Variants in COL24A1 observed in about 807,000 individuals in gnomAD.
COL24A1 encodes the protein collagen alpha-1(XXIV) chain.
In COL24A1, 224 loss-of-function variants were observed where a neutral mutation model predicts 253.9. The observed-to-expected ratio is 0.88, with a 90% CI of 0.79 to 0.99. The LOEUF is 0.99. Among genes scored for constraint, COL24A1 ranks in the 50% least tolerant of loss-of-function variants. COL24A1 has a pLI of 0.00. For missense variants in COL24A1, 2,131 were observed against 2,068.5 expected (o/e 1.03, Z -0.59); for synonymous variants, 685 against 673.7 (o/e 1.02, Z -0.26).
intron 14 of COL24A1, among the ~76,000 whole-genome samples, chr1:86,024,649 C>A (rs1338306648): frequency 1.3e-5 from 2 of 152,144 alleles, no homozygotes; most frequent in South Asian, 2.1e-4. Context: ...AATATTAATA[C>A]ATGATGCTTG....
chr1:86,118,253 C>T (rs919359184), intron 3 of COL24A1, among the ~76,000 whole-genome samples: 4 of 152,030 alleles, frequency 2.6e-5, no homozygotes, highest in South Asian at 2.1e-4. Context: ...TTAGTAGAGA[C>T]GGGGTTTCAC....
rs751877646 is a variant in COL24A1 at position 85,838,590 on chromosome 1, A to G, written c.3676T>C (p.Tyr1226His). ...GERGEPGAEG[Y>H]KGHVGVPGLR... ...GGGGTATAACTTGCAATTACCTTAT[A>G]TCCCTCTGCTCCAGGCTCTCCTCTC... Residue 1226 changes from tyrosine (Y) to histidine (H), a missense_variant, in exon 43 of 60, where the codon TAT becomes CAT. By Grantham distance (83) the Tyr-to-His change is moderately conservative. Transcript: ENST00000370571. 12 of 1,613,686 alleles carry G rather than the reference A, an allele frequency of 7.4e-6. No homozygotes were observed. In the Admixed American group the frequency reaches 1.7e-4, roughly 22 times the overall value.
At chr1:85,798,530 G>A (rs919588264) in intron 47 of COL24A1, among the ~76,000 whole-genome samples, 9 of 152,276 alleles carry the variant, frequency 5.9e-5, no homozygotes, top group African/African-American at 1.7e-4. Flanking sequence ...AGAAAAAAGT[G>A]TATCTTCTTA....
chr1:85,781,359 G>A (rs968483164), intron 51 of COL24A1, 86 bp from the exon 52 acceptor site: 1 of 865,956 alleles, frequency 1.2e-6, no homozygotes. Flanking sequence ...AATGGTAAAA[G>A]AGCCATGTCT....
chr1:85,816,062 C>T (rs768168265), intron 47 of COL24A1, among the ~76,000 whole-genome samples: 3 of 152,074 alleles, frequency 2.0e-5, no homozygotes, highest in Non-Finnish European at 4.4e-5. Context: ...GTGGACTTTT[C>T]CTCACCAAGG....
chr1:85,899,684 A>G (rs2047788), intron 28 of COL24A1, among the ~76,000 whole-genome samples: 17,772 of 152,264 alleles, frequency 0.12, 1,155 homozygotes, highest in East Asian at 0.23. Flanking sequence ...GATAGAAAAT[A>G]CATTTCATTT....
intron 18 of COL24A1, among the ~76,000 whole-genome samples, chr1:86,020,694 G>A (rs531247695): frequency 9.9e-5 from 15 of 152,086 alleles, no homozygotes; most frequent in South Asian, 2.1e-4. Flanking sequence ...TTGGTCAAGC[G>A]CTAGAAAAAT....
chr1:85,911,880 C>T (rs1571189290), intron 24 of COL24A1, among the ~76,000 whole-genome samples: 1 of 152,088 alleles, frequency 6.6e-6, no homozygotes, highest in African/African-American at 2.4e-5. Context: ...TATTTGGTGC[C>T]TACTCTGTGC....
chr1:85,837,421 A>G (rs1353529620), intron 43 of COL24A1, among the ~76,000 whole-genome samples: 1 of 152,202 alleles, frequency 6.6e-6, no homozygotes, highest in African/African-American at 2.4e-5. Flanking sequence ...CATCTTGTCC[A>G]TTTAGTTTGG....
intron 18 of COL24A1, among the ~76,000 whole-genome samples, chr1:86,021,633 G>A (rs1697548736): frequency 6.6e-6 from 1 of 151,668 alleles, no homozygotes; most frequent in Non-Finnish European, 1.5e-5. Context: ...CTCAGCAAAT[G>A]TTAGCTATAA....
chr1:85,972,691 T>C (rs990554788), intron 20 of COL24A1, among the ~76,000 whole-genome samples: 1 of 150,832 alleles, frequency 6.6e-6, no homozygotes, highest in Non-Finnish European at 1.5e-5. Context: ...ACTGTGAACA[T>C]GTGACAGACA....
chr1:85,854,046 T>G (rs1420808440), intron 37 of COL24A1, among the ~76,000 whole-genome samples: 1 of 152,204 alleles, frequency 6.6e-6, no homozygotes, highest in Non-Finnish European at 1.5e-5. Context: ...CAAGGGCTGA[T>G]GTCCAGAATA....
rs1572075659 is a variant in COL24A1 at position 86,146,179 on chromosome 1, A to G, written c.61T>C (p.Ser21Pro). 6.2e-7 allele frequency: 1 copy of G among 1,610,434 alleles called. No homozygotes were observed. Among genetic ancestry groups the G allele is most frequent in the Non-Finnish European group, 8.5e-7 (1 of 1,178,280 alleles). The stretch of plus-strand genomic sequence containing the variant: ...CATAGTACAATAAAATGAAGAAGTG[A>G]TTTCCTAGGAAAAGAAAAAAGCATT... ...GKVSPTAKTK[S>P]LLHFIVLCVA... Residue 21 changes from serine to proline, a missense_variant, in exon 2 of 60, where the codon TCA (serine) becomes CCA (proline). Transcript: ENST00000370571.
intron 1 of COL24A1, chr1:86,154,427 G>A (rs1434876444): frequency 6.6e-6 from 1 of 152,558 alleles, no homozygotes; most frequent in Non-Finnish European, 1.5e-5. Flanking sequence ...GTGGTCATGG[G>A]AGACAAACAC....
At chr1:85,885,564 G>C (rs1347540896) in intron 32 of COL24A1, among the ~76,000 whole-genome samples, 1 of 151,884 alleles carries the variant, frequency 6.6e-6, no homozygotes, top group African/African-American at 2.4e-5. Context: ...CAAAGAGAAA[G>C]AGGCTCTCTA....
At chr1:85,875,991 G>A (rs1469078753) in intron 33 of COL24A1, among the ~76,000 whole-genome samples, 1 of 152,042 alleles carries the variant, frequency 6.6e-6, no homozygotes, top group Non-Finnish European at 1.5e-5. Flanking sequence ...GAAGAGAAGA[G>A]TTTTATTGGG....
At chr1:85,956,084 A>G (rs1690436498) in intron 24 of COL24A1, among the ~76,000 whole-genome samples, 1 of 152,226 alleles carries the variant, frequency 6.6e-6, no homozygotes, top group South Asian at 2.1e-4. Flanking sequence ...AACGGAAGAT[A>G]AAAATTTTGG....
rs374433222 is a variant in COL24A1, at chr1:85,987,629, G to A, written c.2336C>T (p.Pro779Leu). Residue 779 changes from proline to leucine, a missense_variant, in exon 20 of 60, where the codon CCT becomes CTT. By Grantham distance (98) the Pro-to-Leu change is moderately conservative. Transcript: ENST00000370571. The part of the protein sequence containing the change: ...PEGFPGDIGI[P>L]GQNGPEGPKG... ...TGGTCCTTCAGGGCCGTTTTGTCCA[G>A]GAATCCCAATATCTCCTGGAAAACC... is the stretch of plus-strand genomic sequence containing the variant. 6.2e-7 allele frequency: 1 copy of A among 1,610,084 alleles called. No individual in the cohort carries two copies. The highest frequency in any genetic ancestry group is 8.5e-7 in the Non-Finnish European group (1 of 1,177,860).
At chr1:86,067,411 G>A (rs1049805587) in intron 7 of COL24A1, among the ~76,000 whole-genome samples, 4 of 152,144 alleles carry the variant, frequency 2.6e-5, no homozygotes, top group African/African-American at 9.7e-5. Context: ...CTTAATTTAA[G>A]TTACTGTACT....
Sources: gnomAD v4.1 joint callset for allele counts (sites outside exome capture counted in the v4.1 genomes callset) on GRCh38, gnomAD v4.1.1 for gene constraint, MANE v1.5 for transcripts, NCBI Gene and HGNC (gene_info 2026-07-23, HGNC 2026-07-21) for gene names.